Variants in SNX10 observed in about 807,000 individuals in gnomAD.
SNX10 encodes sorting nexin-10.
Under a neutral mutation model 28.5 loss-of-function variants are expected in SNX10, and 25 were observed. The observed-to-expected ratio is 0.88, with a 90% CI of 0.64 to 1.22. SNX10 has a LOEUF of 1.22. SNX10 is among the 50% of genes most tolerant of loss of function. The probability of loss-of-function intolerance (pLI) is 0.00; values close to 1 mark genes in which losing one functional copy is unlikely to be tolerated. For missense variants in SNX10, 223 were observed against 242.6 expected, an observed-to-expected ratio of 0.92 and a Z score of 0.54; for synonymous variants, 62 against 81.4, an observed-to-expected ratio of 0.76 and a Z score of 1.28.
At chr7:26,292,494 A>G (rs1785963149) in intron 1 of SNX10, among the ~76,000 whole-genome samples, 1 of 152,022 alleles carries the variant, frequency 6.6e-6, no homozygotes, top group African/African-American at 2.4e-5. Context: ...ATTAACGGGT[A>G]GCCTTGAGTT....
At chr7:26,363,562 T>C (rs1274962741) in intron 3 of SNX10, among the ~76,000 whole-genome samples, 1 of 152,198 alleles carries the variant, frequency 6.6e-6, no homozygotes, top group African/African-American at 2.4e-5. Context: ...TCGCTTGTTT[T>C]ACTCAAAGGA....
chr7:26,307,117 C>T (rs183730618), intron 1 of SNX10, among the ~76,000 whole-genome samples: 8 of 152,282 alleles, frequency 5.3e-5, no homozygotes, highest in Middle Eastern at 3.4e-3. Flanking sequence ...CAGTGAGTTG[C>T]GATGCTTTTC....
chr7:26,319,803 C>A (rs1787238269), intron 1 of SNX10, among the ~76,000 whole-genome samples: 1 of 152,086 alleles, frequency 6.6e-6, no homozygotes, highest in African/African-American at 2.4e-5. Flanking sequence ...GGGGAAATGA[C>A]AAAAGCCTCA....
intron 1 of SNX10, among the ~76,000 whole-genome samples, chr7:26,313,934 G>A (rs921685402): frequency 6.6e-6 from 1 of 152,100 alleles, no homozygotes; most frequent in Non-Finnish European, 1.5e-5. Flanking sequence ...AGCCTCCCGA[G>A]TAGCTGGGGA....
At chr7:26,340,096 A>G (rs11977497) in intron 1 of SNX10, among the ~76,000 whole-genome samples, 5,131 of 152,150 alleles carry the variant, frequency 0.034, 215 homozygotes, top group African/African-American at 0.11. Flanking sequence ...CCTTACATGT[A>G]TAGTCCACAA....
Position 26,372,641 on chromosome 7 carries a change from A to G in SNX10, c.*69A>G. 1.1e-6 allele frequency: 1 copy of G among 907,348 alleles called. No individual in the cohort carries two copies. The highest frequency in any genetic ancestry group is 1.8e-6 in the Non-Finnish European group (1 of 541,186). 56.2% of individuals were successfully genotyped at this position (907,348 alleles called of 1,614,324 possible). A position where few individuals can be genotyped will look rare whatever the true frequency, so the allele number is the denominator to read the frequency against. ...CCAGTCATAGAGAAGAAAGCTTCAT[A>G]ATAATACATTCTTACCTAAAGCTCA... On this transcript the variant is annotated 3_prime_UTR_variant, in exon 7 of 7. Transcript: ENST00000338523.
chr7:26,315,767 G>A (rs1401794102), intron 1 of SNX10, among the ~76,000 whole-genome samples: 1 of 152,110 alleles, frequency 6.6e-6, no homozygotes, highest in African/African-American at 2.4e-5. Flanking sequence ...TATTAGAAAA[G>A]CAGTTTTAAA....
In SNX10 at chr7:26,371,933, G is replaced by C. The variant is rs909395838; in HGVS notation, c.424G>C (p.Val142Leu). The C allele has an allele frequency of 3.1e-6, 5 of 1,613,612 alleles. No individual in the cohort carries two copies. The highest frequency in any genetic ancestry group is 4.2e-6 in the Non-Finnish European group (5 of 1,179,664). Residue 142 changes from valine to leucine, a missense_variant, in exon 6 of 7, where the codon GTG becomes CTG. Val to Leu is a conservative substitution (Grantham distance 32). Coordinates refer to ENST00000338523, the MANE Select transcript of SNX10 (RefSeq NM_013322.3). ...TGTTTCTGGGCAGACTAAGTACTCTGTGGAAGAAGCAATTCACAAGTTTGC... is the reference window on the plus strand; with the variant it reads ...TGTTTCTGGGCAGACTAAGTACTCTCTGGAAGAAGCAATTCACAAGTTTGC... ...ACVSGQTKYS[V>L]EEAIHKFALM... is the part of the protein sequence containing the mutation.
intron 1 of SNX10, among the ~76,000 whole-genome samples, chr7:26,330,711 C>T (rs1265773647): frequency 6.6e-6 from 1 of 151,972 alleles, no homozygotes; most frequent in Non-Finnish European, 1.5e-5. Flanking sequence ...GTGTTTTGGA[C>T]ATGAGGGTTG....
chr7:26,351,659 GTTT>G (rs796713404), intron 2 of SNX10, among the ~76,000 whole-genome samples: 1 of 44,884 alleles, frequency 2.2e-5, no homozygotes, highest in Non-Finnish European at 6.5e-5. Context: ...TTTTTTTTTT[GTTT>G]TTTTTTTTTT....
intron 6 of SNX10, 34 bp downstream of exon 6, chr7:26,372,067 AT>A: frequency 8.1e-6 from 11 of 1,365,198 alleles, no homozygotes; most frequent in Non-Finnish European, 9.3e-6. Context: ...ATGTATATGT[AT>A]TTATATAATA....
At chr7:26,292,944 C>T (rs1785982114) in intron 1 of SNX10, 1 of 152,336 alleles carries the variant, frequency 6.6e-6, no homozygotes, top group East Asian at 1.9e-4. Flanking sequence ...TTATGTCCAC[C>T]TCTGGGGCCT....
intron 2 of SNX10, among the ~76,000 whole-genome samples, chr7:26,355,143 G>A (rs1180142788): frequency 1.3e-5 from 2 of 152,130 alleles, no homozygotes; most frequent in African/African-American, 4.8e-5. Context: ...TCAGGTGGGC[G>A]TATTTGTGTA....
In SNX10 at chr7:26,358,238, T is replaced by A. The variant is rs367726954; in HGVS notation, c.25-2737T>A. 3.3e-5 allele frequency among the ~76,000 whole-genome samples: 5 copies of A among 152,168 alleles called. No homozygotes were observed. In the East Asian group the frequency reaches 5.8e-4, roughly 18 times the overall value. ...CATACACGGTGACAAGAGATGGAGGTGAAAAGCATAGGCCAAGAGCAGAGT... is the reference window on the plus strand; with the variant it reads ...CATACACGGTGACAAGAGATGGAGGAGAAAAGCATAGGCCAAGAGCAGAGT... On this transcript the variant is annotated intron_variant, in intron 2 of 6. Transcript: ENST00000338523.
intron 3 of SNX10, among the ~76,000 whole-genome samples, chr7:26,362,803 A>G (rs1789131499): frequency 6.6e-6 from 1 of 152,206 alleles, no homozygotes; most frequent in African/African-American, 2.4e-5. Context: ...ATTTACTTGG[A>G]ATTTTAAATT....
intron 2 of SNX10, among the ~76,000 whole-genome samples, chr7:26,349,343 ATTT>A (rs35282662): frequency 6.8e-6 from 1 of 146,628 alleles, no homozygotes. Context: ...AAATTTAGTA[ATTT>A]TTTTTTTTTT....
chr7:26,340,917 C>T (rs369958730), intron 1 of SNX10, among the ~76,000 whole-genome samples: 40 of 152,300 alleles, frequency 2.6e-4, no homozygotes, highest in Middle Eastern at 3.4e-3. Context: ...GTGTGCACCA[C>T]CATCCCTGGC....
intron 2 of SNX10, among the ~76,000 whole-genome samples, chr7:26,357,928 A>G (rs893021292): frequency 6.6e-6 from 1 of 151,976 alleles, no homozygotes; most frequent in Non-Finnish European, 1.5e-5. Context: ...CTGCACTGGG[A>G]TGGAGCTTTG....
chr7:26,294,107 A>G (rs1039815060), intron 1 of SNX10, among the ~76,000 whole-genome samples: 1 of 152,258 alleles, frequency 6.6e-6, no homozygotes, highest in Non-Finnish European at 1.5e-5. Context: ...CAGTCTATGC[A>G]GATTTTCATT....
Sources: gnomAD v4.1 joint callset for allele counts (sites outside exome capture counted in the v4.1 genomes callset) on GRCh38, gnomAD v4.1.1 for gene constraint, MANE v1.5 for transcripts, NCBI Gene and HGNC (gene_info 2026-07-23, HGNC 2026-07-21) for gene names.